SEMA3D: variants seen among roughly 807,000 people sequenced by gnomAD.
SEMA3D encodes the protein semaphorin 3D, also known as semaphorin-3D.
Under a neutral mutation model 100.1 loss-of-function variants are expected in SEMA3D, and 84 were observed. The observed-to-expected ratio is 0.84, with a 90% CI of 0.70 to 1.01. SEMA3D has a LOEUF of 1.01. Ranked by LOEUF, SEMA3D falls within the 50% of genes least tolerant of loss-of-function variation. The pLI is 0.00. For missense variants in SEMA3D, 875 were observed against 934.1 expected (o/e 0.94, Z 0.82); for synonymous variants, 312 against 320.7 (o/e 0.97, Z 0.29).
At chr7:85,210,154 C>G in the SEMA3D span, among the ~76,000 whole-genome samples, 4 of 152,058 alleles carry the variant, frequency 2.6e-5, no homozygotes, top group Admixed American at 2.6e-4. Context: ...CACAGCCTCT[C>G]TCAGCAGATG....
the SEMA3D span, among the ~76,000 whole-genome samples, chr7:85,219,320 T>G: frequency 6.6e-6 from 1 of 152,088 alleles, no homozygotes. Flanking sequence ...GAATTGGTTA[T>G]GTTGGCTTCA....
chr7:85,013,151 G>A (rs1294169731), intron 16 of SEMA3D, among the ~76,000 whole-genome samples: 2 of 151,454 alleles, frequency 1.3e-5, no homozygotes, highest in Non-Finnish European at 3.0e-5. Context: ...TACAACCTAG[G>A]TTTTATATAA....
At chr7:85,147,095 T>TC (rs1790234284) in intron 2 of SEMA3D, among the ~76,000 whole-genome samples, 2 of 104,540 alleles carry the variant, frequency 1.9e-5, no homozygotes, top group African/African-American at 4.6e-5. Context: ...TTCTTTTCTT[T>TC]TTTTTTTTTT....
At chr7:85,024,319 C>T (rs1790334390) in intron 12 of SEMA3D, among the ~76,000 whole-genome samples, 1 of 151,788 alleles carries the variant, frequency 6.6e-6, no homozygotes, top group Non-Finnish European at 1.5e-5. Flanking sequence ...TGCCTGCACA[C>T]AGTTTTTAAA....
chr7:85,214,210 C>T, the SEMA3D span, among the ~76,000 whole-genome samples: 1 of 152,196 alleles, frequency 6.6e-6, no homozygotes, highest in African/African-American at 2.4e-5. Flanking sequence ...CAACTGGGAT[C>T]CACTCTTTAG....
At chr7:85,100,028 T>C (rs2116323168) in intron 3 of SEMA3D, among the ~76,000 whole-genome samples, 1 of 152,110 alleles carries the variant, frequency 6.6e-6, no homozygotes, top group Non-Finnish European at 1.5e-5. Context: ...TGCCTGTGTT[T>C]GGAGAATTGA....
upstream of SEMA3D, among the ~76,000 whole-genome samples, chr7:85,189,190 C>T (rs2116600425): frequency 6.6e-6 from 1 of 152,210 alleles, no homozygotes; most frequent in Middle Eastern, 3.4e-3. Context: ...TCAGCTGTGT[C>T]CATGGCTCCG....
chr7:85,178,012 T>C (rs1454208156), intron 1 of SEMA3D, among the ~76,000 whole-genome samples: 3 of 152,150 alleles, frequency 2.0e-5, no homozygotes, highest in African/African-American at 7.2e-5. Context: ...TGAGACCTGA[T>C]GGTATTATAA....
rs1292614177 is a variant in SEMA3D, at chr7:84,995,686, G to C, written c.*3754C>G. 1.3e-5 allele frequency: 2 copies of C among 151,920 alleles called. No individual in the cohort carries two copies. The highest frequency in any genetic ancestry group is 2.9e-5 in the Non-Finnish European group (2 of 67,908). 9.4% of individuals were successfully genotyped at this position (151,920 alleles called of 1,614,324 possible). ...ATAGCAGAATTATAAATTCAAAATT[G>C]ATTGCTAACCACTCACAATACCAGA... is the stretch of plus-strand genomic sequence containing the variant. On this transcript the variant is annotated 3_prime_UTR_variant, in exon 19 of 19. Coordinates refer to ENST00000284136, the MANE Select transcript of SEMA3D (RefSeq NM_001384900.1).
chr7:85,115,194 G>A (rs369375620), intron 3 of SEMA3D, among the ~76,000 whole-genome samples: 19 of 152,304 alleles, frequency 1.2e-4, no homozygotes, highest in African/African-American at 4.6e-4. Flanking sequence ...TATGTCTACA[G>A]TGAGCAAGAC....
rs376818938 is a variant in SEMA3D, at chr7:85,042,304, T to C, written c.862-19A>G. Reference sequence around the variant, plus strand: ...CATCATTCTGACATGAAAAAAAAAATAAAGATAAATATTTATCAACACAAT... The same window carrying C: ...CATCATTCTGACATGAAAAAAAAAACAAAGATAAATATTTATCAACACAAT... On this transcript the variant is annotated intron_variant, in intron 9 of 18. Transcript: ENST00000284136. 6.7e-7 allele frequency: 1 copy of C among 1,486,422 alleles called. No individual in the cohort carries two copies. The allele number at this position is 1,486,422 out of a possible 1,614,324, so 92.1% of individuals were successfully genotyped here.
At chr7:85,164,008 A>G (rs1044720989) in intron 1 of SEMA3D, among the ~76,000 whole-genome samples, 1 of 152,168 alleles carries the variant, frequency 6.6e-6, no homozygotes, top group Non-Finnish European at 1.5e-5. Flanking sequence ...AATGTTTACT[A>G]TGAAATAAAC....
At chr7:85,196,336 T>C in the SEMA3D span, among the ~76,000 whole-genome samples, 1 of 149,578 alleles carries the variant, frequency 6.7e-6, no homozygotes, top group African/African-American at 2.5e-5. Context: ...AACAATATCA[T>C]TTAGAAAACA....
rs1206927475 is a variant in SEMA3D at position 85,100,052 on chromosome 7, C to T, written c.152-2087G>A. Among the ~76,000 whole-genome samples, 118 of 151,910 alleles carry T rather than the reference C, an allele frequency of 7.8e-4. 2 individuals carry two copies. Among genetic ancestry groups the T allele is most frequent in the Non-Finnish European group, 1.5e-4 (10 of 67,886 alleles). ...TTGGAGAATTGAAGTTTTTCTATTT[C>T]ATATGTGCAGAAAGATGTAAAGAAA... On this transcript the variant is annotated intron_variant, in intron 3 of 18. Transcript: ENST00000284136.
intron 3 of SEMA3D, among the ~76,000 whole-genome samples, chr7:85,117,270 GT>G (rs1789269054): frequency 6.6e-6 from 1 of 152,120 alleles, no homozygotes; most frequent in African/African-American, 2.4e-5. Context: ...AACTGCAGCT[GT>G]CGTCTGATTA....
intron 1 of SEMA3D, among the ~76,000 whole-genome samples, chr7:85,184,161 C>G (rs762255978): frequency 6.6e-6 from 1 of 152,104 alleles, no homozygotes; most frequent in Non-Finnish European, 1.5e-5. Flanking sequence ...TGAGTGTTCT[C>G]CACATGTAAA....
intron 3 of SEMA3D, among the ~76,000 whole-genome samples, chr7:85,106,020 G>A (rs969713156): frequency 5.3e-5 from 8 of 151,958 alleles, no homozygotes; most frequent in East Asian, 1.9e-4. Flanking sequence ...TTATAGTTAC[G>A]GAGTAAATTC....
the SEMA3D span, among the ~76,000 whole-genome samples, chr7:85,227,250 C>A: frequency 6.6e-6 from 1 of 152,024 alleles, no homozygotes; most frequent in Non-Finnish European, 1.5e-5. Flanking sequence ...CATTGTAAAC[C>A]TACATGATGC....
At chr7:85,108,688 C>T (rs1789002616) in intron 3 of SEMA3D, among the ~76,000 whole-genome samples, 1 of 151,984 alleles carries the variant, frequency 6.6e-6, no homozygotes, top group Admixed American at 6.6e-5. Flanking sequence ...TTCCTTCATT[C>T]TTCCTCACAC....
Sources: gnomAD v4.1 joint callset for allele counts (sites outside exome capture counted in the v4.1 genomes callset) on GRCh38, gnomAD v4.1.1 for gene constraint, MANE v1.5 for transcripts, NCBI Gene and HGNC (gene_info 2026-07-23, HGNC 2026-07-21) for gene names.